ITGBL1: variants seen among roughly 807,000 people sequenced by gnomAD.
ITGBL1 encodes integrin subunit beta like 1, also known as integrin beta-like protein 1.
A neutral mutation model predicts 68.5 loss-of-function variants in ITGBL1; 51 were observed. The ratio of observed to expected loss-of-function variants is 0.74; its 90% CI spans 0.59 to 0.94. The LOEUF is 0.94. Ranked by LOEUF, ITGBL1 falls within the 40% of genes least tolerant of loss-of-function variation. The probability of loss-of-function intolerance (pLI) is 0.00; values close to 1 mark genes in which losing one functional copy is unlikely to be tolerated. For synonymous variants in ITGBL1, 209 were observed against 227.3 expected, an observed-to-expected ratio of 0.92 and a Z score of 0.72; for missense variants, 649 against 647.4, an observed-to-expected ratio of 1.00 and a Z score of -0.03.
chr13:101,503,775 G>C (rs2048981349), intron 2 of ITGBL1, among the ~76,000 whole-genome samples: 1 of 152,204 alleles, frequency 6.6e-6, no homozygotes, highest in Non-Finnish European at 1.5e-5. Context: ...GTAGACTTGA[G>C]ACTTTCCTTT....
At chr13:101,687,163 T>C (rs2139541610) in intron 7 of ITGBL1, among the ~76,000 whole-genome samples, 1 of 152,198 alleles carries the variant, frequency 6.6e-6, no homozygotes, top group South Asian at 2.1e-4. Context: ...AGGTAAATGC[T>C]ATAGAATAGC....
chr13:101,588,366 A>G (rs2050595046), intron 6 of ITGBL1, among the ~76,000 whole-genome samples: 1 of 151,254 alleles, frequency 6.6e-6, no homozygotes, highest in African/African-American at 2.4e-5. Flanking sequence ...CTCTTATTTG[A>G]ATTCTTCTGA....
chr13:101,604,105 TAGAA>T lies in ITGBL1; in HGVS notation c.1015+5810_1015+5813del, dbSNP rs565135288. Among the ~76,000 whole-genome samples the T allele has an allele frequency of 6.6e-5, 10 of 151,942 alleles. No homozygotes were observed. In the South Asian group the frequency reaches 1.2e-3, roughly 19 times the overall value. On this transcript the variant is annotated intron_variant, in intron 7 of 10. Transcript: ENST00000376180. ...AAGTTAAAAATGTCAAACCATATAATAGAAAGATAAGAAAAGCATACAAAATAGC... is the reference window on the plus strand; with the variant it reads ...AAGTTAAAAATGTCAAACCATATAATAGATAAGAAAAGCATACAAAATAGC...
At chr13:101,659,984 C>G (rs1345791094) in intron 7 of ITGBL1, among the ~76,000 whole-genome samples, 2 of 152,042 alleles carry the variant, frequency 1.3e-5, no homozygotes, top group African/African-American at 4.8e-5. Flanking sequence ...ACATTTTGGA[C>G]CAAATAATTA....
intron 2 of ITGBL1, among the ~76,000 whole-genome samples, chr13:101,554,032 CCAAAG>C (rs1594886851): frequency 1.3e-5 from 2 of 152,258 alleles, no homozygotes; most frequent in East Asian, 1.9e-4. Context: ...TCTCGGCCTC[CCAAAG>C]TTCTGGGATT....
chr13:101,455,591 G>A (rs1267179212), intron 2 of ITGBL1, among the ~76,000 whole-genome samples: 2 of 152,170 alleles, frequency 1.3e-5, no homozygotes, highest in African/African-American at 4.8e-5. Flanking sequence ...TTGAACCTGG[G>A]AGGCAGAGGT....
intron 2 of ITGBL1, among the ~76,000 whole-genome samples, chr13:101,511,059 A>G (rs2049107987): frequency 6.6e-6 from 1 of 152,086 alleles, no homozygotes. Flanking sequence ...GGAGTTGGCC[A>G]TAAATCCTTT....
chr13:101,598,147 G>A lies in ITGBL1; in HGVS notation c.869-6G>A. On this transcript the variant is annotated splice_polypyrimidine_tract_variant and splice_region_variant and intron_variant, in intron 6 of 10. Transcript: ENST00000376180. Reference sequence around the variant, plus strand: ...ATTTTTATTTTTTGCCACTCTCACTGTGAAGGTCATGGACAGTGTAATTGC... The same window carrying A: ...ATTTTTATTTTTTGCCACTCTCACTATGAAGGTCATGGACAGTGTAATTGC... The A allele has an allele frequency of 6.3e-7, 1 of 1,591,674 alleles. No homozygotes were observed. The highest frequency in any genetic ancestry group is 1.2e-5 in the South Asian group (1 of 86,510).
intron 2 of ITGBL1, among the ~76,000 whole-genome samples, chr13:101,460,710 T>C (rs1566684202): frequency 6.6e-6 from 1 of 152,202 alleles, no homozygotes; most frequent in Non-Finnish European, 1.5e-5. Context: ...GGCACCAGCA[T>C]GTGCTAGGCT....
intron 3 of ITGBL1, among the ~76,000 whole-genome samples, chr13:101,571,448 C>T (rs1399850238): frequency 6.6e-6 from 1 of 152,092 alleles, no homozygotes; most frequent in Non-Finnish European, 1.5e-5. Flanking sequence ...TACAATTTAG[C>T]TTATTTATTT....
chr13:101,626,618 T>G (rs1039315941), intron 7 of ITGBL1, among the ~76,000 whole-genome samples: 5 of 152,194 alleles, frequency 3.3e-5, no homozygotes, highest in African/African-American at 1.2e-4. Flanking sequence ...CCTTTTTCAG[T>G]GCTTTCTAAA....
At chr13:101,703,476 A>G (rs1358447112) in intron 8 of ITGBL1, among the ~76,000 whole-genome samples, 1 of 152,242 alleles carries the variant, frequency 6.6e-6, no homozygotes, top group Non-Finnish European at 1.5e-5. Context: ...AACAAAGGCT[A>G]GAGTAGGTAA....
downstream of ITGBL1, chr13:101,718,643 C>G (rs1161625070): frequency 6.6e-6 from 1 of 151,990 alleles, no homozygotes; most frequent in Admixed American, 6.6e-5. Context: ...AGAGGAGAGC[C>G]ATTATACCCG....
chr13:101,671,426 G>GT (rs66501713), intron 7 of ITGBL1, among the ~76,000 whole-genome samples: 1,400 of 112,560 alleles, frequency 0.012, 93 homozygotes, highest in Middle Eastern at 0.032. Context: ...GTATACCTTT[G>GT]TTTTTTTTTT....
At chr13:101,489,959 G>A (rs576447785) in intron 2 of ITGBL1, 2 of 1,508,774 alleles carry the variant, frequency 1.3e-6, no homozygotes, top group East Asian at 2.5e-5. Context: ...TTTAAACTTT[G>A]TCTCATGAAC....
intron 2 of ITGBL1, among the ~76,000 whole-genome samples, chr13:101,514,620 A>G (rs2049167014): frequency 6.6e-6 from 1 of 152,110 alleles, no homozygotes; most frequent in African/African-American, 2.4e-5. Flanking sequence ...GTATCTGTTA[A>G]TATTATGAAA....
At chr13:101,707,696 C>A (rs977084984) in intron 9 of ITGBL1, among the ~76,000 whole-genome samples, 6 of 151,012 alleles carry the variant, frequency 4.0e-5, no homozygotes, top group African/African-American at 1.5e-4. Flanking sequence ...AAAAAAAACA[C>A]AAAAAAATTA....
chr13:101,480,871 A>C (rs2048609159), intron 2 of ITGBL1, among the ~76,000 whole-genome samples: 1 of 151,934 alleles, frequency 6.6e-6, no homozygotes, highest in African/African-American at 2.4e-5. Context: ...CAAACAAGCA[A>C]AATTTTAAGG....
At chr13:101,698,714 ATTTAT>A (rs772944508) in intron 8 of ITGBL1, among the ~76,000 whole-genome samples, 1 of 152,196 alleles carries the variant, frequency 6.6e-6, no homozygotes. Flanking sequence ...CGTAAGATTT[ATTTAT>A]TTTATTGGTA....
Sources: gnomAD v4.1 joint callset for allele counts (sites outside exome capture counted in the v4.1 genomes callset) on GRCh38, gnomAD v4.1.1 for gene constraint, MANE v1.5 for transcripts, NCBI Gene and HGNC (gene_info 2026-07-23, HGNC 2026-07-21) for gene names.